The following SHANK2 variants were observed in gnomAD, a reference collection of about 807,000 sequenced individuals.
The protein encoded by SHANK2 is SH3 and multiple ankyrin repeat domains 2.
Under a neutral mutation model 133.7 loss-of-function variants are expected in SHANK2, and 43 were observed. That is an observed-to-expected ratio of 0.32 (90% CI 0.25 to 0.41). The LOEUF (loss-of-function observed/expected upper bound fraction) is 0.41. SHANK2 is among the 10% of genes least tolerant of loss of function. The pLI, the probability that SHANK2 is intolerant of heterozygous loss-of-function variation, is 1.00. For missense variants in SHANK2, 1,994 were observed against 2,235.8 expected, an observed-to-expected ratio of 0.89 and a Z score of 2.18; for synonymous variants, 1,017 against 952.8, an observed-to-expected ratio of 1.07 and a Z score of -1.24.
intron 17 of SHANK2, among the ~76,000 whole-genome samples, chr11:70,541,621 G>T (rs2059622464): frequency 6.6e-6 from 1 of 152,256 alleles, no homozygotes; most frequent in Admixed American, 6.5e-5. Context: ...TTGGCTCTGA[G>T]AGCCCGGTTT....
intron 2 of SHANK2, among the ~76,000 whole-genome samples, chr11:71,190,945 C>G (rs1555115302): frequency 6.6e-6 from 1 of 151,992 alleles, no homozygotes; most frequent in Admixed American, 6.5e-5. Flanking sequence ...ATCCCTTTCT[C>G]CCATGCAATG....
At chr11:70,583,180 A>G (rs1554985876) in intron 17 of SHANK2, among the ~76,000 whole-genome samples, 1 of 152,130 alleles carries the variant, frequency 6.6e-6, no homozygotes. Context: ...TCATCTATCT[A>G]CGGGCTCAGG....
intron 2 of SHANK2, among the ~76,000 whole-genome samples, chr11:71,152,742 AC>A (rs782251361): frequency 6.6e-6 from 1 of 151,924 alleles, no homozygotes; most frequent in Non-Finnish European, 1.5e-5. Context: ...GCTGGGTCAC[AC>A]CTCCCGGGCT....
intron 15 of SHANK2, chr11:70,668,812 C>T (rs1397159457): frequency 6.6e-6 from 1 of 152,294 alleles, no homozygotes; most frequent in African/African-American, 2.4e-5. Flanking sequence ...GCAGCCGGCC[C>T]TGATGTCTGA....
chr11:70,774,112 T>C (rs1419094219), intron 14 of SHANK2, among the ~76,000 whole-genome samples: 2 of 152,142 alleles, frequency 1.3e-5, no homozygotes, highest in African/African-American at 2.4e-5. Flanking sequence ...TACAATGAAA[T>C]ACAACTCAGC....
rs113441817 is a variant in SHANK2 at position 70,773,573 on chromosome 11, A to G, written c.1777+24870T>C. Reference sequence around the variant, plus strand: ...GTGACTATGAACGTGGGATAGACTCAGGAGTGATTTTAATTTTCTTCCTTA... The same window carrying G: ...GTGACTATGAACGTGGGATAGACTCGGGAGTGATTTTAATTTTCTTCCTTA... On this transcript the variant is annotated intron_variant, in intron 14 of 25. Coordinates refer to ENST00000601538, the MANE Select transcript of SHANK2 (RefSeq NM_012309.5). 6.6e-3 allele frequency among the ~76,000 whole-genome samples: 1,012 copies of G among 152,342 alleles called. 14 individuals are homozygous for G. Among genetic ancestry groups the G allele is most frequent in the African/African-American group, 0.023 (947 of 41,586 alleles).
intron 25 of SHANK2, among the ~76,000 whole-genome samples, chr11:70,480,262 G>C (rs1555151200): frequency 6.6e-6 from 1 of 152,198 alleles, no homozygotes; most frequent in Non-Finnish European, 1.5e-5. Context: ...CTGGTTTTCT[G>C]CAAGGTTGGC....
chr11:70,885,969 C>T (rs1272701226), intron 11 of SHANK2, among the ~76,000 whole-genome samples: 4 of 152,176 alleles, frequency 2.6e-5, no homozygotes, highest in East Asian at 1.9e-4. Context: ...CACAGCAACA[C>T]GCACGTGACC....
At chr11:70,712,329 C>G (rs999130222) in intron 14 of SHANK2, among the ~76,000 whole-genome samples, 2 of 152,168 alleles carry the variant, frequency 1.3e-5, no homozygotes, top group Admixed American at 1.3e-4. Context: ...GTTCCCTCTC[C>G]GACCTCCACT....
At chr11:70,572,673 G>C (rs919881857) in intron 17 of SHANK2, among the ~76,000 whole-genome samples, 11 of 152,088 alleles carry the variant, frequency 7.2e-5, no homozygotes, top group African/African-American at 2.4e-4. Context: ...CAACATCAGG[G>C]GTCTCCAGGG....
intron 12 of SHANK2, among the ~76,000 whole-genome samples, chr11:70,809,012 G>A (rs782804294): frequency 2.0e-5 from 3 of 152,188 alleles, no homozygotes; most frequent in Admixed American, 1.3e-4. Flanking sequence ...TTCTACACCC[G>A]ACAGTAAGAC....
chr11:70,591,975 ACCATCCAAGATCGCG>A (rs1374487011), intron 17 of SHANK2, among the ~76,000 whole-genome samples: 5 of 152,032 alleles, frequency 3.3e-5, no homozygotes, highest in Non-Finnish European at 7.4e-5. Flanking sequence ...CTGAGATGGC[ACCATCCAAGATCGCG>A]CCATCGCACT....
At chr11:71,185,870 T>A (rs1257741051) in intron 2 of SHANK2, among the ~76,000 whole-genome samples, 2 of 110,858 alleles carry the variant, frequency 1.8e-5, no homozygotes, top group East Asian at 2.5e-4. Context: ...ATTTGGGGGG[T>A]GGGTGGGGAA....
intron 11 of SHANK2, among the ~76,000 whole-genome samples, chr11:70,837,891 T>C (rs1435439797): frequency 6.8e-6 from 1 of 147,298 alleles, no homozygotes; most frequent in East Asian, 2.0e-4. Flanking sequence ...GGAGAATCGC[T>C]TGAACCCAGG....
At chr11:71,080,785 G>A (rs1265710463) in intron 8 of SHANK2, among the ~76,000 whole-genome samples, 1 of 152,194 alleles carries the variant, frequency 6.6e-6, no homozygotes, top group African/African-American at 2.4e-5. Context: ...CGCATGGCCT[G>A]AGCCACCAGC....
chr11:70,903,811 A>G (rs980417440), intron 10 of SHANK2, among the ~76,000 whole-genome samples: 12 of 152,250 alleles, frequency 7.9e-5, no homozygotes, highest in Admixed American at 1.3e-4. Flanking sequence ...TACCAGGAGA[A>G]GGTGCTGTGT....
At chr11:71,208,328 G>A (rs986457140) in intron 2 of SHANK2, among the ~76,000 whole-genome samples, 2 of 152,064 alleles carry the variant, frequency 1.3e-5, no homozygotes, top group Non-Finnish European at 2.9e-5. Context: ...GAAGTTGGGG[G>A]GAGAAGGGAC....
At chr11:70,656,471 C>A (rs560956131) in intron 17 of SHANK2, among the ~76,000 whole-genome samples, 1 of 152,120 alleles carries the variant, frequency 6.6e-6, no homozygotes, top group Non-Finnish European at 1.5e-5. Context: ...GGGCATTCTC[C>A]GCAGGGGCAT....
At chr11:70,502,056 G>A in intron 19 of SHANK2, 125 bp from the exon 20 acceptor site, 1 of 1,323,452 alleles carries the variant, frequency 7.6e-7, no homozygotes, top group Non-Finnish European at 1.1e-6. Flanking sequence ...TGCGGGGCAT[G>A]CAGGGGCATT....
Sources: gnomAD v4.1 joint callset for allele counts (sites outside exome capture counted in the v4.1 genomes callset) on GRCh38, gnomAD v4.1.1 for gene constraint, MANE v1.5 for transcripts, NCBI Gene and HGNC (gene_info 2026-07-23, HGNC 2026-07-21) for gene names.